Variants in RBFOX1 observed in about 807,000 individuals in gnomAD.
The protein encoded by RBFOX1 is RNA binding protein fox-1 homolog 1.
A neutral mutation model predicts 57.7 loss-of-function variants in RBFOX1; 8 were observed. The ratio of observed to expected loss-of-function variants is 0.14; its 90% CI spans 0.08 to 0.25. RBFOX1 has a LOEUF of 0.25. Ranked by LOEUF, RBFOX1 falls within the 10% of genes least tolerant of loss-of-function variation. RBFOX1 has a pLI of 1.00. For missense variants in RBFOX1, 611 were observed against 548.5 expected (o/e 1.11, Z -1.14); for synonymous variants, 326 against 222.4 (o/e 1.47, Z -4.15).
At chr16:6,438,029 G>A (rs962629427) in intron 2 of RBFOX1, among the ~76,000 whole-genome samples, 2 of 152,082 alleles carry the variant, frequency 1.3e-5, no homozygotes, top group African/African-American at 4.8e-5. Context: ...AAGAGTAGCT[G>A]GATTTCATCC....
chr16:6,421,245 C>A (rs375504377), intron 2 of RBFOX1, among the ~76,000 whole-genome samples: 3 of 152,144 alleles, frequency 2.0e-5, no homozygotes, highest in African/African-American at 7.2e-5. Context: ...GAGGGCAGCC[C>A]GCATCTCTGC....
chr16:6,488,871 T>C (rs1375638118), intron 2 of RBFOX1, among the ~76,000 whole-genome samples: 1 of 152,194 alleles, frequency 6.6e-6, no homozygotes, highest in Non-Finnish European at 1.5e-5. Flanking sequence ...ATACCCTAGG[T>C]AATATCAGTG....
chr16:6,235,067 G>C (rs964709306), intron 1 of RBFOX1, among the ~76,000 whole-genome samples: 1 of 152,124 alleles, frequency 6.6e-6, no homozygotes, highest in Non-Finnish European at 1.5e-5. Context: ...GGTAAATTCA[G>C]TTTGCAGGAT....
Position 6,270,311 on chromosome 16 carries a change from C to G in RBFOX1, c.-126-46684C>G, listed in dbSNP as rs1186289535. On this transcript the variant is annotated intron_variant, in intron 1 of 15. Coordinates refer to ENST00000550418, the MANE Select transcript of RBFOX1 (RefSeq NM_018723.4). ...GTTAGAGTGGATTAAAGTATACAAC[C>G]TAACTATATGCTGTTGACAAGAAAC... 1.3e-5 allele frequency among the ~76,000 whole-genome samples: 2 copies of G among 151,890 alleles called. 1 individual carries two copies. The highest frequency in any genetic ancestry group is 2.9e-5 in the Non-Finnish European group (2 of 67,942).
At chr16:6,266,322 C>G (rs540357400) in intron 1 of RBFOX1, among the ~76,000 whole-genome samples, 1 of 152,306 alleles carries the variant, frequency 6.6e-6, no homozygotes, top group South Asian at 2.1e-4. Flanking sequence ...CAGCGTCTAG[C>G]CCATCCTGAA....
intron 2 of RBFOX1, among the ~76,000 whole-genome samples, chr16:6,638,094 T>C (rs1469573648): frequency 6.6e-6 from 1 of 152,166 alleles, no homozygotes; most frequent in African/African-American, 2.4e-5. Context: ...ATCTGTGTCA[T>C]ATGAATGTTG....
intron 4 of RBFOX1, among the ~76,000 whole-genome samples, chr16:6,005,609 C>G (rs530371058): frequency 6.0e-4 from 91 of 152,324 alleles, no homozygotes; most frequent in African/African-American, 2.1e-3. Flanking sequence ...AACAGCCTCC[C>G]TGGCCTCTAC....
intron 3 of RBFOX1, among the ~76,000 whole-genome samples, chr16:6,706,873 A>C (rs58164592): frequency 6.6e-6 from 1 of 152,078 alleles, no homozygotes; most frequent in Non-Finnish European, 1.5e-5. Flanking sequence ...TATCTCCTCT[A>C]TGTGTCTCAG....
At chr16:5,856,575 G>GTA (rs375112636) in intron 3 of RBFOX1, among the ~76,000 whole-genome samples, 397 of 32,882 alleles carry the variant, frequency 0.012, 25 homozygotes, top group East Asian at 0.08. Flanking sequence ...GTGTGTGTGT[G>GTA]TATATATATA....
chr16:7,477,515 T>G (rs9932970), intron 4 of RBFOX1, among the ~76,000 whole-genome samples: 2,555 of 152,248 alleles, frequency 0.017, 95 homozygotes, highest in African/African-American at 0.058. Flanking sequence ...CCCTGAATAT[T>G]ATTGCCTGGC....
intron 4 of RBFOX1, among the ~76,000 whole-genome samples, chr16:7,150,701 A>G (rs966910653): frequency 6.6e-6 from 1 of 152,238 alleles, no homozygotes; most frequent in East Asian, 1.9e-4. Context: ...TAAGTCAAAG[A>G]TTGTTTGGAT....
intron 2 of RBFOX1, among the ~76,000 whole-genome samples, chr16:6,391,990 T>A (rs2092625797): frequency 6.6e-6 from 1 of 152,102 alleles, no homozygotes; most frequent in African/African-American, 2.4e-5. Flanking sequence ...TTTTGAAGAA[T>A]AAGTAGGATT....
At chr16:7,599,157 A>G (rs1211182049) in intron 9 of RBFOX1, among the ~76,000 whole-genome samples, 1 of 152,242 alleles carries the variant, frequency 6.6e-6, no homozygotes, top group African/African-American at 2.4e-5. Flanking sequence ...AACTGAAGCA[A>G]ACCTCTGATT....
chr16:5,388,360 C>T (rs1774852614), intron 1 of RBFOX1, among the ~76,000 whole-genome samples: 1 of 152,152 alleles, frequency 6.6e-6, no homozygotes, highest in Non-Finnish European at 1.5e-5. Flanking sequence ...CAAGCTTTTT[C>T]TATAAAGGGC....
At chr16:5,746,151 C>A (rs944836644) in intron 3 of RBFOX1, among the ~76,000 whole-genome samples, 3 of 152,098 alleles carry the variant, frequency 2.0e-5, no homozygotes. Context: ...TCAGCTTTCT[C>A]TATATGGCTA....
intron 4 of RBFOX1, among the ~76,000 whole-genome samples, chr16:7,420,314 T>G (rs558969879): frequency 6.6e-6 from 1 of 152,316 alleles, no homozygotes; most frequent in African/African-American, 2.4e-5. Context: ...AGACATGGAA[T>G]CTGTTTATCA....
chr16:5,300,940 C>T (rs1168298299), intron 1 of RBFOX1, among the ~76,000 whole-genome samples: 1 of 152,194 alleles, frequency 6.6e-6, no homozygotes, highest in African/African-American at 2.4e-5. Flanking sequence ...GTCTGTCTCT[C>T]TCTCGCTCTT....
chr16:6,995,044 G>A (rs1269518507), intron 3 of RBFOX1, among the ~76,000 whole-genome samples: 1 of 151,012 alleles, frequency 6.6e-6, no homozygotes, highest in Non-Finnish European at 1.5e-5. Flanking sequence ...GTATTAGGCT[G>A]GCTAATTATT....
intron 2 of RBFOX1, among the ~76,000 whole-genome samples, chr16:5,582,547 CTTTTTT>C (rs57853959): frequency 4.3e-5 from 4 of 92,860 alleles, no homozygotes; most frequent in African/African-American, 7.9e-5. Flanking sequence ...AAGCACGTCA[CTTTTTT>C]TTTTTTTTTT....
Sources: gnomAD v4.1 joint callset for allele counts (sites outside exome capture counted in the v4.1 genomes callset) on GRCh38, gnomAD v4.1.1 for gene constraint, MANE v1.5 for transcripts, NCBI Gene and HGNC (gene_info 2026-07-23, HGNC 2026-07-21) for gene names.